CDYL2: variants seen among roughly 807,000 people sequenced by gnomAD.
The protein encoded by CDYL2 is chromodomain Y like 2.
A neutral mutation model predicts 49.4 loss-of-function variants in CDYL2; 23 were observed. The ratio of observed to expected loss-of-function variants is 0.47; its 90% CI spans 0.34 to 0.66. The LOEUF (loss-of-function observed/expected upper bound fraction) is 0.66. Ranked by LOEUF, CDYL2 falls within the 30% of genes least tolerant of loss-of-function variation. The pLI, the probability that CDYL2 is intolerant of heterozygous loss-of-function variation, is 0.01. For synonymous variants in CDYL2, 360 were observed against 268.8 expected (o/e 1.34, Z -3.32); for missense variants, 678 against 656.4 (o/e 1.03, Z -0.36).
chr16:80,679,692 C>G (rs1218472503), intron 2 of CDYL2: 1 of 455,964 alleles, frequency 2.2e-6, no homozygotes, highest in South Asian at 1.5e-5. Context: ...AATGCCAACT[C>G]CAGGTGCAGA....
chr16:80,608,255 C>T lies in CDYL2; in HGVS notation c.1219-20G>A, dbSNP rs1446500124. 3 of 1,547,280 alleles carry T rather than the reference C, an allele frequency of 1.9e-6. No individual in the cohort carries two copies. The highest frequency in any genetic ancestry group is 2.7e-5 in the African/African-American group (2 of 73,224). ...ATTGGCCTGAAAAAGCAAAAGCAGGCAAAGACTGAGGGCCTGGAGGTCCAC... is the reference window on the plus strand; with the variant it reads ...ATTGGCCTGAAAAAGCAAAAGCAGGTAAAGACTGAGGGCCTGGAGGTCCAC... On this transcript the variant is annotated intron_variant, in intron 5 of 6. Transcript: ENST00000570137.
intron 1 of CDYL2, among the ~76,000 whole-genome samples, chr16:80,755,062 C>T (rs1464073040): frequency 6.6e-6 from 1 of 152,200 alleles, no homozygotes; most frequent in Admixed American, 6.5e-5. Context: ...AAATCCTCAA[C>T]CAGCCGCTGA....
At chr16:80,633,345 A>T in intron 2 of CDYL2, 109 bp from the exon 3 acceptor site, 1 of 1,075,184 alleles carries the variant, frequency 9.3e-7, no homozygotes, top group Non-Finnish European at 1.4e-6. Flanking sequence ...ATGTGCTGGG[A>T]CACACCACCT....
At chr16:80,769,165 T>C (rs1479832140) in intron 1 of CDYL2, among the ~76,000 whole-genome samples, 1 of 152,250 alleles carries the variant, frequency 6.6e-6, no homozygotes, top group African/African-American at 2.4e-5. Flanking sequence ...ATTTCACAAG[T>C]AAATGAAAGA....
At chr16:80,771,574 G>A (rs965088802) in intron 1 of CDYL2, among the ~76,000 whole-genome samples, 3 of 152,090 alleles carry the variant, frequency 2.0e-5, no homozygotes, top group African/African-American at 7.2e-5. Flanking sequence ...GTGTGGTGGT[G>A]CGCACCTGTA....
At chr16:80,687,053 C>T (rs901928326) in intron 1 of CDYL2, among the ~76,000 whole-genome samples, 2 of 152,154 alleles carry the variant, frequency 1.3e-5, no homozygotes, top group African/African-American at 2.4e-5. Flanking sequence ...TGCTTCAGAA[C>T]GCCAAGGATT....
intron 1 of CDYL2, among the ~76,000 whole-genome samples, chr16:80,732,986 G>T (rs1424347559): frequency 6.6e-6 from 1 of 152,110 alleles, no homozygotes; most frequent in Non-Finnish European, 1.5e-5. Flanking sequence ...TGTCCCAAAA[G>T]ATGTGATAAA....
intron 1 of CDYL2, among the ~76,000 whole-genome samples, chr16:80,703,292 T>A (rs554138840): frequency 6.6e-6 from 1 of 152,186 alleles, no homozygotes; most frequent in South Asian, 2.1e-4. Context: ...ATTTTAAAGG[T>A]TGATTTACCT....
chr16:80,802,628 A>C (rs1175906140), intron 1 of CDYL2, among the ~76,000 whole-genome samples: 1 of 152,074 alleles, frequency 6.6e-6, no homozygotes, highest in African/African-American at 2.4e-5. Flanking sequence ...TCTTTCAAGG[A>C]GCTCTAAGGT....
chr16:80,680,090 T>C (rs1027726895), intron 2 of CDYL2, among the ~76,000 whole-genome samples: 3 of 152,168 alleles, frequency 2.0e-5, no homozygotes, highest in African/African-American at 4.8e-5. Context: ...GATAATCATG[T>C]TGAAAGAGTG....
rs141816356 is a variant in CDYL2, at chr16:80,769,224, C to T, written c.24+34926G>A. Among the ~76,000 whole-genome samples the T allele has an allele frequency of 4.7e-4, 72 of 152,274 alleles. No homozygotes were observed. In the Middle Eastern group the frequency reaches 0.01, roughly 22 times the overall value. On this transcript the variant is annotated intron_variant, in intron 1 of 6. Transcript: ENST00000570137. The stretch of plus-strand genomic sequence containing the variant: ...GAGCACCTGCATTCTGGGATAGGAT[C>T]GCATTCTAATCAGCTGTCATTTATT...
Position 80,679,418 on chromosome 16 carries a change from T to C in CDYL2, c.616+5120A>G, listed in dbSNP as rs570383020. On this transcript the variant is annotated intron_variant, in intron 2 of 6. Coordinates refer to ENST00000570137, the MANE Select transcript of CDYL2 (RefSeq NM_152342.4). ...GAAATTCTACTGCCTGGAATCCAGCTGGGCCGTGGTATAGAGGCCAGCTCT... is the reference window on the plus strand; with the variant it reads ...GAAATTCTACTGCCTGGAATCCAGCCGGGCCGTGGTATAGAGGCCAGCTCT... Among the ~76,000 whole-genome samples the C allele has an allele frequency of 6.5e-4, 99 of 152,280 alleles. 1 individual carries two copies. Among genetic ancestry groups the C allele is most frequent in the African/African-American group, 2.2e-3 (93 of 41,554 alleles).
At chr16:80,732,672 C>CT (rs1159864034) in intron 1 of CDYL2, among the ~76,000 whole-genome samples, 1 of 152,128 alleles carries the variant, frequency 6.6e-6, no homozygotes, top group Non-Finnish European at 1.5e-5. Context: ...CCTGAAATAA[C>CT]TAAGTAGATT....
intron 1 of CDYL2, among the ~76,000 whole-genome samples, chr16:80,708,224 G>C (rs1904471609): frequency 6.6e-6 from 1 of 152,178 alleles, no homozygotes; most frequent in South Asian, 2.1e-4. Context: ...ATCTCACCTT[G>C]AATTGTAATA....
chr16:80,784,956 A>T (rs1373154315), intron 1 of CDYL2, among the ~76,000 whole-genome samples: 1 of 152,196 alleles, frequency 6.6e-6, no homozygotes, highest in Non-Finnish European at 1.5e-5. Flanking sequence ...AAGGTCATGA[A>T]GCAAAGGATA....
chr16:80,731,209 A>C (rs1205564364), intron 1 of CDYL2, among the ~76,000 whole-genome samples: 3 of 151,878 alleles, frequency 2.0e-5, no homozygotes, highest in Non-Finnish European at 4.4e-5. Context: ...AAAAAGGAAT[A>C]TTAACAAAAC....
intron 2 of CDYL2, among the ~76,000 whole-genome samples, chr16:80,657,218 A>G (rs1293952915): frequency 6.6e-6 from 1 of 152,264 alleles, no homozygotes; most frequent in Admixed American, 6.5e-5. Context: ...CAAGGACTTT[A>G]AAATAGGAAC....
intron 2 of CDYL2, among the ~76,000 whole-genome samples, chr16:80,634,863 G>C (rs1308746014): frequency 6.6e-6 from 1 of 152,060 alleles, no homozygotes; most frequent in Non-Finnish European, 1.5e-5. Flanking sequence ...AGCTAACAAA[G>C]AAAGCATCAA....
chr16:80,743,711 A>C (rs757645985), intron 1 of CDYL2, among the ~76,000 whole-genome samples: 3 of 151,958 alleles, frequency 2.0e-5, no homozygotes, highest in Non-Finnish European at 4.4e-5. Flanking sequence ...TGCCCCTTTC[A>C]TCTCAGTCCA....
Sources: gnomAD v4.1 joint callset for allele counts (sites outside exome capture counted in the v4.1 genomes callset) on GRCh38, gnomAD v4.1.1 for gene constraint, MANE v1.5 for transcripts, NCBI Gene and HGNC (gene_info 2026-07-23, HGNC 2026-07-21) for gene names.